PDE11A: variants seen among roughly 807,000 people sequenced by gnomAD.
PDE11A encodes the protein dual 3',5'-cyclic-AMP and -GMP phosphodiesterase 11A.
A neutral mutation model predicts 100.5 loss-of-function variants in PDE11A; 100 were observed. The observed-to-expected ratio is 1.00, with a 90% CI of 0.85 to 1.18. PDE11A has a LOEUF of 1.18. Ranked by LOEUF, PDE11A falls within the 50% of genes most tolerant of loss-of-function variation. The probability of loss-of-function intolerance (pLI) is 0.00; values close to 1 mark genes in which losing one functional copy is unlikely to be tolerated. For missense variants in PDE11A, 1,141 were observed against 1,152.6 expected (o/e 0.99, Z 0.15); for synonymous variants, 381 against 420.8 (o/e 0.91, Z 1.16).
At chr2:177,723,672 C>A (rs1051116944) in intron 12 of PDE11A, among the ~76,000 whole-genome samples, 1 of 152,126 alleles carries the variant, frequency 6.6e-6, no homozygotes, top group African/African-American at 2.4e-5. Flanking sequence ...TAAATTCACT[C>A]ATTCAATTAA....
intron 10 of PDE11A, among the ~76,000 whole-genome samples, chr2:177,766,844 T>A (rs2082246465): frequency 6.6e-6 from 1 of 152,244 alleles, no homozygotes; most frequent in Admixed American, 6.5e-5. Flanking sequence ...CTAATATCTG[T>A]CATGATAAAA....
At chr2:178,050,755 CA>C (rs1403794905) in intron 1 of PDE11A, among the ~76,000 whole-genome samples, 1 of 152,024 alleles carries the variant, frequency 6.6e-6, no homozygotes, top group Non-Finnish European at 1.5e-5. Flanking sequence ...GAAAGGGTAT[CA>C]GTGATTGAAG....
chr2:177,775,840 A>C (rs767114524), intron 9 of PDE11A, among the ~76,000 whole-genome samples: 21 of 152,094 alleles, frequency 1.4e-4, no homozygotes, highest in Non-Finnish European at 2.6e-4. Flanking sequence ...TGTTTCCTTC[A>C]TGCCACTTGC....
intron 19 of PDE11A, among the ~76,000 whole-genome samples, chr2:177,637,998 T>TATA (rs1491152209): frequency 0.03 from 667 of 22,152 alleles, 23 homozygotes; most frequent in African/African-American, 0.068. Context: ...TATATATATA[T>TATA]TTTTTTTTTT....
chr2:177,760,201 G>A (rs1329859855), intron 10 of PDE11A, among the ~76,000 whole-genome samples: 1 of 152,086 alleles, frequency 6.6e-6, no homozygotes, highest in African/African-American at 2.4e-5. Context: ...CCAAGACTTT[G>A]TGAGCCTCAA....
At chr2:177,997,023 T>C (rs6706521) in intron 2 of PDE11A, among the ~76,000 whole-genome samples, 150,067 of 152,330 alleles carry the variant, frequency 0.99, 73,955 homozygotes, top group East Asian at 1. Flanking sequence ...TTACCTTGGA[T>C]ACAACCATGG....
intron 2 of PDE11A, among the ~76,000 whole-genome samples, chr2:178,092,187 T>G (rs1249487164): frequency 6.6e-6 from 1 of 152,240 alleles, no homozygotes; most frequent in African/African-American, 2.4e-5. Flanking sequence ...GAAATAAGTA[T>G]GTGGAAGCCA....
chr2:177,811,899 G>A (rs1443211797), intron 9 of PDE11A, among the ~76,000 whole-genome samples: 2 of 152,118 alleles, frequency 1.3e-5, no homozygotes, highest in African/African-American at 2.4e-5. Flanking sequence ...AAAGAACTAG[G>A]AAACAGGCAA....
chr2:177,991,774 T>C (rs1574327810), intron 2 of PDE11A, among the ~76,000 whole-genome samples: 1 of 143,928 alleles, frequency 6.9e-6, no homozygotes, highest in East Asian at 2.0e-4. Context: ...TAGATTTTTA[T>C]GATGGCATGA....
chr2:177,693,118 A>C (rs1443868149), intron 15 of PDE11A, among the ~76,000 whole-genome samples: 1 of 152,136 alleles, frequency 6.6e-6, no homozygotes, highest in Non-Finnish European at 1.5e-5. Context: ...CCAGAAACTA[A>C]TTGTACGGGG....
intron 2 of PDE11A, among the ~76,000 whole-genome samples, chr2:177,944,801 G>GCGCTCT (rs2085384682): frequency 2.4e-5 from 2 of 81,954 alleles, no homozygotes; most frequent in East Asian, 5.7e-4. Context: ...GAAGATGCGA[G>GCGCTCT]CGCTCTCCCT....
intron 19 of PDE11A, among the ~76,000 whole-genome samples, chr2:177,646,281 A>T (rs781195386): frequency 2.0e-5 from 3 of 152,232 alleles, no homozygotes; most frequent in Admixed American, 6.5e-5. Flanking sequence ...GAATGAAACA[A>T]GTCTGTGAGC....
At chr2:177,944,396 C>G (rs991318146) in intron 2 of PDE11A, among the ~76,000 whole-genome samples, 2 of 152,106 alleles carry the variant, frequency 1.3e-5, no homozygotes, top group African/African-American at 4.8e-5. Flanking sequence ...TGTTCTGAAA[C>G]AGCCTTCATC....
At position 177,711,746 on chromosome 2, in the gene PDE11A, TAAC is replaced by T. The variant is rs2081361314; in HGVS notation, c.2153+20_2153+22del. ...GAACAGAAAGGCAAATGCATTAAAATAACAACAGTTTAGAACACTTACTTAGCT... is the reference window on the plus strand; with the variant it reads ...GAACAGAAAGGCAAATGCATTAAAATAACAGTTTAGAACACTTACTTAGCT... On this transcript the variant is annotated intron_variant, in intron 13 of 19. Coordinates refer to ENST00000286063, the MANE Select transcript of PDE11A (RefSeq NM_016953.4). 2 of 1,254,464 alleles carry T rather than the reference TAAC, an allele frequency of 1.6e-6. No individual in the cohort carries two copies. Among genetic ancestry groups the T allele is most frequent in the Non-Finnish European group, 2.3e-6 (2 of 852,420 alleles). The allele number at this position is 1,254,464 out of a possible 1,614,324, so 77.7% of individuals were successfully genotyped here.
At chr2:177,863,583 G>A (rs1040429742) in intron 5 of PDE11A, among the ~76,000 whole-genome samples, 1 of 151,958 alleles carries the variant, frequency 6.6e-6, no homozygotes, top group African/African-American at 2.4e-5. Context: ...ATCAAAAGGT[G>A]CTCAACATTA....
At chr2:177,894,663 T>G (rs932228702) in intron 4 of PDE11A, among the ~76,000 whole-genome samples, 21 of 152,190 alleles carry the variant, frequency 1.4e-4, no homozygotes, top group Non-Finnish European at 4.4e-5. Flanking sequence ...AGACTCTTTG[T>G]GGCAATAATA....
chr2:177,990,828 C>A (rs1351677046), intron 2 of PDE11A, among the ~76,000 whole-genome samples: 2 of 145,848 alleles, frequency 1.4e-5, no homozygotes, highest in African/African-American at 2.6e-5. Context: ...GTGGACAGAT[C>A]ACAAGGTCAA....
chr2:177,661,151 G>A (rs1278555209), intron 19 of PDE11A, among the ~76,000 whole-genome samples: 1 of 152,166 alleles, frequency 6.6e-6, no homozygotes, highest in Non-Finnish European at 1.5e-5. Context: ...AGCTGTTAGA[G>A]GGGACATGCT....
chr2:177,771,107 G>A (rs1574125042), intron 9 of PDE11A, among the ~76,000 whole-genome samples: 1 of 152,290 alleles, frequency 6.6e-6, no homozygotes, highest in South Asian at 2.1e-4. Flanking sequence ...GGGATTATAG[G>A]CATGAGCCTT....
Sources: gnomAD v4.1 joint callset for allele counts (sites outside exome capture counted in the v4.1 genomes callset) on GRCh38, gnomAD v4.1.1 for gene constraint, MANE v1.5 for transcripts, NCBI Gene and HGNC (gene_info 2026-07-23, HGNC 2026-07-21) for gene names.